Variants in ZNF385B observed in about 807,000 individuals in gnomAD.
The protein encoded by ZNF385B is zinc finger protein 533.
Under a neutral mutation model 39.2 loss-of-function variants are expected in ZNF385B, and 23 were observed. The observed-to-expected ratio is 0.59, with a 90% CI of 0.42 to 0.83. The LOEUF is 0.83. Ranked by LOEUF, ZNF385B falls within the 40% of genes least tolerant of loss-of-function variation. The pLI is 0.00. For missense variants in ZNF385B, 552 were observed against 598.9 expected (o/e 0.92, Z 0.82); for synonymous variants, 205 against 222.6 (o/e 0.92, Z 0.70).
chr2:179,532,493 A>G (rs534195398), intron 4 of ZNF385B, among the ~76,000 whole-genome samples: 13 of 152,348 alleles, frequency 8.5e-5, no homozygotes, highest in Non-Finnish European at 1.5e-4. Flanking sequence ...AACATTCACA[A>G]AAAGGCTGTT....
At chr2:179,635,129 G>A (rs770509905) in intron 3 of ZNF385B, among the ~76,000 whole-genome samples, 14 of 149,408 alleles carry the variant, frequency 9.4e-5, no homozygotes, top group Non-Finnish European at 1.9e-4. Flanking sequence ...GCAACAGAGC[G>A]AAACTCCGTC....
At chr2:179,552,825 T>A (rs1287535561) in intron 3 of ZNF385B, among the ~76,000 whole-genome samples, 2 of 149,416 alleles carry the variant, frequency 1.3e-5, no homozygotes, top group African/African-American at 5.0e-5. Flanking sequence ...ATAACATTTT[T>A]ATAGAACATA....
intron 5 of ZNF385B, among the ~76,000 whole-genome samples, chr2:179,490,759 C>T (rs901509241): frequency 1.4e-4 from 21 of 152,084 alleles, no homozygotes; most frequent in African/African-American, 4.8e-4. Flanking sequence ...TTAGATGATT[C>T]CCAGCAATCT....
At chr2:179,701,115 C>T (rs1287373727) in intron 3 of ZNF385B, among the ~76,000 whole-genome samples, 1 of 152,214 alleles carries the variant, frequency 6.6e-6, no homozygotes, top group Non-Finnish European at 1.5e-5. Flanking sequence ...ATACAAACCA[C>T]TATTAATTGT....
At chr2:179,517,203 A>G (rs2058152658) in intron 5 of ZNF385B, among the ~76,000 whole-genome samples, 1 of 151,904 alleles carries the variant, frequency 6.6e-6, no homozygotes. Flanking sequence ...TGACCTTTAA[A>G]AAAATGTTTT....
intron 3 of ZNF385B, among the ~76,000 whole-genome samples, chr2:179,641,411 A>T (rs1356066): frequency 0.92 from 140,523 of 152,212 alleles, 65,029 homozygotes; most frequent in African/African-American, 0.95. Flanking sequence ...CTCTTTATAC[A>T]GGCTAAGGTG....
intron 3 of ZNF385B, among the ~76,000 whole-genome samples, chr2:179,683,446 C>T (rs1325999671): frequency 6.6e-6 from 1 of 151,260 alleles, no homozygotes; most frequent in South Asian, 2.1e-4. Flanking sequence ...ACAGTAGGAC[C>T]GTTGTTGTGG....
chr2:179,514,880 G>A (rs1040469149), intron 5 of ZNF385B, among the ~76,000 whole-genome samples: 11 of 151,324 alleles, frequency 7.3e-5, no homozygotes, highest in African/African-American at 2.7e-4. Context: ...CTGGGTTCAA[G>A]CGATTCTCCT....
At chr2:179,488,701 G>A (rs1263403990) in intron 5 of ZNF385B, among the ~76,000 whole-genome samples, 1 of 152,036 alleles carries the variant, frequency 6.6e-6, no homozygotes, top group Non-Finnish European at 1.5e-5. Flanking sequence ...ACTGGCATCT[G>A]TTTTTTTCCT....
At chr2:179,700,371 A>G (rs1039854503) in intron 3 of ZNF385B, among the ~76,000 whole-genome samples, 8 of 152,146 alleles carry the variant, frequency 5.3e-5, no homozygotes, top group Admixed American at 5.2e-4. Flanking sequence ...CCAATGCCTG[A>G]GTATATACCA....
chr2:179,525,203 T>G (rs2058813763), intron 4 of ZNF385B, among the ~76,000 whole-genome samples: 1 of 152,036 alleles, frequency 6.6e-6, no homozygotes. Flanking sequence ...AGGGTATGGG[T>G]TTGGAGAAGA....
At chr2:179,549,932 C>A (rs1451075570) in intron 3 of ZNF385B, among the ~76,000 whole-genome samples, 2 of 148,706 alleles carry the variant, frequency 1.3e-5, no homozygotes, top group Non-Finnish European at 3.0e-5. Context: ...GCCTGTCATT[C>A]ATATAACCAC....
At chr2:179,444,522 G>A (rs2049273977) in intron 9 of ZNF385B, among the ~76,000 whole-genome samples, 2 of 152,114 alleles carry the variant, frequency 1.3e-5, no homozygotes, top group South Asian at 4.1e-4. Context: ...TTAAATGGAT[G>A]GATTTTTGTT....
At chr2:179,593,179 A>G (rs888654438) in intron 3 of ZNF385B, among the ~76,000 whole-genome samples, 2 of 152,216 alleles carry the variant, frequency 1.3e-5, no homozygotes, top group Admixed American at 6.5e-5. Flanking sequence ...TTGAAAAACT[A>G]TAATAAACAC....
intron 5 of ZNF385B, among the ~76,000 whole-genome samples, chr2:179,514,532 T>C (rs559189867): frequency 6.6e-6 from 1 of 152,264 alleles, no homozygotes; most frequent in Non-Finnish European, 1.5e-5. Flanking sequence ...CGCTATGTTC[T>C]GATAGAAAAA....
chr2:179,788,153 A>G (rs1559195290), intron 1 of ZNF385B, among the ~76,000 whole-genome samples: 1 of 152,122 alleles, frequency 6.6e-6, no homozygotes, highest in Non-Finnish European at 1.5e-5. Context: ...ATATTTTAAA[A>G]CTTGGTCTGG....
chr2:179,466,915 CAAAAAAAAAAAAAAA>C (rs777679885), intron 6 of ZNF385B, among the ~76,000 whole-genome samples: 4 of 26,930 alleles, frequency 1.5e-4, no homozygotes, highest in East Asian at 3.1e-3. Flanking sequence ...GCAAGACTGT[CAAAAAAAAAAAAAAA>C]AAAAAAAAAA....
rs537858643 is a variant in ZNF385B, at chr2:179,621,567, G to C, written c.299-76598C>G. Among the ~76,000 whole-genome samples, 11 of 152,288 alleles carry C rather than the reference G, an allele frequency of 7.2e-5. No homozygotes were observed. In the South Asian group the frequency reaches 2.3e-3, roughly 32 times the overall value. ...ACTTAACGTAAGTTTGCAAAGAAAT[G>C]CATGCAATTGGTTCCCCCAAGCCAG... On this transcript the variant is annotated intron_variant, in intron 3 of 9. Transcript: ENST00000410066.
intron 3 of ZNF385B, among the ~76,000 whole-genome samples, chr2:179,736,968 C>G (rs543420352): frequency 2.0e-5 from 3 of 152,280 alleles, no homozygotes; most frequent in Admixed American, 2.0e-4. Context: ...GGCTCCGTCT[C>G]CAAACAAAAC....
Sources: gnomAD v4.1 joint callset for allele counts (sites outside exome capture counted in the v4.1 genomes callset) on GRCh38, gnomAD v4.1.1 for gene constraint, MANE v1.5 for transcripts, NCBI Gene and HGNC (gene_info 2026-07-23, HGNC 2026-07-21) for gene names.